The following COX7B2 variants were observed in gnomAD, a reference collection of about 807,000 sequenced individuals.
COX7B2 encodes cytochrome c oxidase subunit 7B2, mitochondrial.
For missense variants in COX7B2, 109 were observed against 95.9 expected (o/e 1.14, Z -0.57); for synonymous variants, 37 against 32.1 (o/e 1.15, Z -0.51).
intron 1 of COX7B2, among the ~76,000 whole-genome samples, chr4:46,891,157 A>C (rs1051967273): frequency 6.6e-6 from 1 of 152,210 alleles, no homozygotes. Flanking sequence ...ACTAGACGTT[A>C]CTGTTTACTT....
intron 1 of COX7B2, among the ~76,000 whole-genome samples, chr4:46,858,911 T>C (rs1007391444): frequency 6.6e-6 from 1 of 152,216 alleles, no homozygotes; most frequent in Non-Finnish European, 1.5e-5. Context: ...AAATGCTACT[T>C]ACAAATTTAT....
At chr4:46,738,286 C>T (rs546850041) in intron 2 of COX7B2, among the ~76,000 whole-genome samples, 1 of 152,204 alleles carries the variant, frequency 6.6e-6, no homozygotes, top group Admixed American at 6.6e-5. Context: ...TCTCTAGTGA[C>T]ATTGATCACA....
intron 2 of COX7B2, among the ~76,000 whole-genome samples, chr4:46,750,195 TAC>T (rs58139781): frequency 0.036 from 4,057 of 113,794 alleles, 73 homozygotes; most frequent in Admixed American, 0.073. Flanking sequence ...ATCCCATCTC[TAC>T]ACACACACAC....
intron 2 of COX7B2, among the ~76,000 whole-genome samples, chr4:46,767,720 T>C (rs536674088): frequency 9.0e-4 from 137 of 152,220 alleles, no homozygotes; most frequent in African/African-American, 3.1e-3. Flanking sequence ...CACAAGTATG[T>C]GAAAATAAAA....
At chr4:46,748,558 C>T (rs1425166839) in intron 2 of COX7B2, among the ~76,000 whole-genome samples, 1 of 152,148 alleles carries the variant, frequency 6.6e-6, no homozygotes, top group Non-Finnish European at 1.5e-5. Flanking sequence ...TTCTTTCACT[C>T]CATGCAGTTT....
chr4:46,860,101 C>T (rs1005953288), intron 1 of COX7B2, among the ~76,000 whole-genome samples: 14 of 151,910 alleles, frequency 9.2e-5, no homozygotes, highest in Admixed American at 4.6e-4. Context: ...GCATGTGGCT[C>T]GAGAAGATGG....
chr4:46,736,545 C>T (rs1410482414), intron 2 of COX7B2, among the ~76,000 whole-genome samples: 1 of 151,964 alleles, frequency 6.6e-6, no homozygotes, highest in East Asian at 1.9e-4. Context: ...CTTCTTAACA[C>T]TAGAAGGGTC....
At chr4:46,888,423 G>A (rs1719212184) in intron 1 of COX7B2, among the ~76,000 whole-genome samples, 2 of 151,552 alleles carry the variant, frequency 1.3e-5, no homozygotes, top group African/African-American at 4.8e-5. Context: ...GCTGGACAGG[G>A]GCAGATTATG....
chr4:46,902,319 G>A (rs1323173771), intron 1 of COX7B2, among the ~76,000 whole-genome samples: 1 of 152,178 alleles, frequency 6.6e-6, no homozygotes, highest in Non-Finnish European at 1.5e-5. Flanking sequence ...TAGGTCAAGA[G>A]ATCAAACATG....
rs1718936664 is a variant in COX7B2, at chr4:46,884,320, G to C, written c.-105+24840C>G. 2.0e-5 allele frequency among the ~76,000 whole-genome samples: 3 copies of C among 152,110 alleles called. No individual in the cohort carries two copies. In the South Asian group the frequency reaches 6.2e-4, roughly 32 times the overall value. ...AATCTTCCTGCCTCAACCTTCCACA[G>C]TGCTGAGATTACATGCATGAGCCAC... On this transcript the variant is annotated intron_variant, in intron 1 of 2. Transcript: ENST00000355591.
intron 2 of COX7B2, among the ~76,000 whole-genome samples, chr4:46,742,329 A>AT (rs1256668950): frequency 2.6e-5 from 4 of 151,996 alleles, no homozygotes; most frequent in Non-Finnish European, 4.4e-5. Flanking sequence ...ATAAGAAACA[A>AT]TAAAAAAAAG....
chr4:46,888,170 G>A lies in COX7B2; in HGVS notation c.-105+20990C>T, dbSNP rs965543063. The stretch of plus-strand genomic sequence containing the variant: ...CGGTGTCGCTTTCAAGGTGCCACAA[G>A]AACTCAGTGCTCTCCTTTGAGAGAA... On this transcript the variant is annotated intron_variant, in intron 1 of 2. Transcript: ENST00000355591. Among the ~76,000 whole-genome samples the A allele has an allele frequency of 1.4e-4, 21 of 152,128 alleles. 1 individual carries two copies. Among genetic ancestry groups the A allele is most frequent in the African/African-American group, 4.8e-4 (20 of 41,436 alleles).
At chr4:46,857,580 G>C (rs988394220) in intron 1 of COX7B2, among the ~76,000 whole-genome samples, 2 of 152,088 alleles carry the variant, frequency 1.3e-5, no homozygotes, top group East Asian at 1.9e-4. Flanking sequence ...ATGATCTATA[G>C]AGCTGGGAGA....
At chr4:46,908,342 A>C (rs1237813760) in intron 1 of COX7B2, among the ~76,000 whole-genome samples, 1 of 152,158 alleles carries the variant, frequency 6.6e-6, no homozygotes, top group African/African-American at 2.4e-5. Context: ...CCAAGCAGCA[A>C]TAATCACGTG....
chr4:46,894,885 G>C (rs6818817), intron 1 of COX7B2, among the ~76,000 whole-genome samples: 36,956 of 152,124 alleles, frequency 0.24, 4,698 homozygotes, highest in East Asian at 0.29. Flanking sequence ...AAAGAAAGGT[G>C]CATATCAGTG....
In COX7B2 at chr4:46,794,812, A is replaced by G. The variant is rs147605786; in HGVS notation, c.-50+50148T>C. On this transcript the variant is annotated intron_variant, in intron 2 of 2. Coordinates refer to ENST00000355591, the MANE Select transcript of COX7B2 (RefSeq NM_130902.3). The stretch of plus-strand genomic sequence containing the variant: ...ACTACGGTGCTCCTAGAAGTAAAAA[A>G]CATAGAATAGAAAATAGTAGGAGCC... Among the ~76,000 whole-genome samples, 703 of 152,270 alleles carry G rather than the reference A, an allele frequency of 4.6e-3. 6 individuals carry two copies. Among genetic ancestry groups the G allele is most frequent in the African/African-American group, 0.016 (681 of 41,548 alleles).
At chr4:46,881,871 C>T (rs535801523) in intron 1 of COX7B2, among the ~76,000 whole-genome samples, 1 of 152,184 alleles carries the variant, frequency 6.6e-6, no homozygotes, top group South Asian at 2.1e-4. Flanking sequence ...TCCTCTAATT[C>T]TTTCAGTTGT....
At chr4:46,831,158 G>C (rs1326772125) in intron 2 of COX7B2, among the ~76,000 whole-genome samples, 1 of 152,016 alleles carries the variant, frequency 6.6e-6, no homozygotes, top group Non-Finnish European at 1.5e-5. Context: ...GCCAGCCCCG[G>C]GCAGTGAAAG....
intron 2 of COX7B2, among the ~76,000 whole-genome samples, chr4:46,759,957 A>T (rs897221052): frequency 6.6e-6 from 1 of 151,536 alleles, no homozygotes; most frequent in South Asian, 2.1e-4. Context: ...GTCTTATATA[A>T]GTTATATACG....
Sources: gnomAD v4.1 joint callset for allele counts (sites outside exome capture counted in the v4.1 genomes callset) on GRCh38, gnomAD v4.1.1 for gene constraint, MANE v1.5 for transcripts, NCBI Gene and HGNC (gene_info 2026-07-23, HGNC 2026-07-21) for gene names.